Variants in ZNF385D observed in about 807,000 individuals in gnomAD.
ZNF385D encodes the protein zinc finger protein 385D.
In ZNF385D, 15 loss-of-function variants were observed where a neutral mutation model predicts 35.8. The ratio of observed to expected loss-of-function variants is 0.42; its 90% confidence interval spans 0.28 to 0.64. ZNF385D has a LOEUF of 0.64. Ranked by LOEUF, ZNF385D falls within the 30% of genes least tolerant of loss-of-function variation. ZNF385D has a pLI of 0.23. For missense variants in ZNF385D, 474 were observed against 494.6 expected (o/e 0.96, Z 0.39); for synonymous variants, 212 against 186.8 (o/e 1.13, Z -1.10).
intron 1 of ZNF385D, among the ~76,000 whole-genome samples, chr3:21,675,289 T>A (rs998006452): frequency 3.9e-5 from 6 of 151,904 alleles, no homozygotes; most frequent in African/African-American, 1.4e-4. Context: ...GGATTTCATT[T>A]TTAGGTGTAA....
chr3:21,979,111 G>C (rs1027057745), intron 3 of ZNF385D, among the ~76,000 whole-genome samples: 6 of 151,666 alleles, frequency 4.0e-5, no homozygotes. Flanking sequence ...TTTTTCAATG[G>C]TGACCCTGAC....
intron 3 of ZNF385D, among the ~76,000 whole-genome samples, chr3:21,807,511 G>A (rs2072708028): frequency 6.6e-6 from 1 of 152,014 alleles, no homozygotes; most frequent in Admixed American, 6.6e-5. Context: ...ACCTGGCTTT[G>A]GAGTTTTTTG....
At chr3:21,644,082 T>G (rs1165274207) in intron 2 of ZNF385D, among the ~76,000 whole-genome samples, 2 of 152,110 alleles carry the variant, frequency 1.3e-5, no homozygotes, top group African/African-American at 2.4e-5. Flanking sequence ...CAATGAGTTG[T>G]TGGAAATTGC....
chr3:21,676,856 C>T (rs2066745425), intron 1 of ZNF385D, among the ~76,000 whole-genome samples: 1 of 151,664 alleles, frequency 6.6e-6, no homozygotes, highest in African/African-American at 2.4e-5. Context: ...CTGATTTCCA[C>T]CAAATTGAAA....
intron 3 of ZNF385D, among the ~76,000 whole-genome samples, chr3:22,123,447 T>C (rs1292248201): frequency 6.6e-6 from 1 of 152,206 alleles, no homozygotes; most frequent in Non-Finnish European, 1.5e-5. Flanking sequence ...AAATGTGTAA[T>C]CACACCACGG....
chr3:21,603,869 C>T (rs2064395186), intron 2 of ZNF385D, among the ~76,000 whole-genome samples: 1 of 152,060 alleles, frequency 6.6e-6, no homozygotes, highest in Non-Finnish European at 1.5e-5. Flanking sequence ...CTATGCTTCC[C>T]AGCACATGGT....
chr3:22,047,683 T>C (rs147995894), intron 3 of ZNF385D, among the ~76,000 whole-genome samples: 5 of 152,284 alleles, frequency 3.3e-5, no homozygotes, highest in African/African-American at 4.8e-5. Flanking sequence ...ATCTTAGCTA[T>C]TGTGAATGTT....
At chr3:22,136,093 C>T (rs1337614653) in intron 3 of ZNF385D, among the ~76,000 whole-genome samples, 3 of 151,972 alleles carry the variant, frequency 2.0e-5, no homozygotes, top group Admixed American at 6.6e-5. Context: ...AAGGATAATC[C>T]GTATAAGAGG....
chr3:22,172,794 T>A (rs990981387), intron 2 of ZNF385D, among the ~76,000 whole-genome samples: 2 of 152,152 alleles, frequency 1.3e-5, no homozygotes, highest in Admixed American at 1.3e-4. Context: ...ATGAAGGAGA[T>A]AGATACCAAA....
At chr3:21,816,604 A>G (rs1405944099) in intron 3 of ZNF385D, among the ~76,000 whole-genome samples, 1 of 152,202 alleles carries the variant, frequency 6.6e-6, no homozygotes, top group African/African-American at 2.4e-5. Flanking sequence ...GGAGAATAAG[A>G]TACCTAGGAA....
intron 2 of ZNF385D, among the ~76,000 whole-genome samples, chr3:22,304,510 T>C (rs1445439027): frequency 6.6e-6 from 1 of 152,160 alleles, no homozygotes; most frequent in Non-Finnish European, 1.5e-5. Flanking sequence ...CCATCAAATC[T>C]ATCTGAGGCC....
Position 21,842,196 on chromosome 3 carries a change from C to A in ZNF385D, c.326-177168G>T, listed in dbSNP as rs1695724915. Among the ~76,000 whole-genome samples the A allele has an allele frequency of 3.3e-5, 5 of 151,926 alleles. No individual in the cohort carries two copies. In the South Asian group the frequency reaches 1.0e-3, roughly 31 times the overall value. On this transcript the variant is annotated intron_variant, in intron 3 of 5. Transcript: ENST00000494108. ...GTAATCTTTTCTCAATGTTGCAAGT[C>A]ACCTTGGATTCTGCTCTGCTCTGCT...
At chr3:22,162,417 T>C (rs573736056) in intron 3 of ZNF385D, among the ~76,000 whole-genome samples, 7 of 151,964 alleles carry the variant, frequency 4.6e-5, no homozygotes, top group African/African-American at 1.7e-4. Flanking sequence ...CTTATCTGCC[T>C]TACCCAAAAC....
intron 1 of ZNF385D, among the ~76,000 whole-genome samples, chr3:21,676,145 G>GT (rs2066716579): frequency 6.6e-6 from 1 of 152,066 alleles, no homozygotes; most frequent in South Asian, 2.1e-4. Context: ...CACTGTCACT[G>GT]TTTTAAGGGC....
intron 5 of ZNF385D, 198 bp downstream of exon 5, chr3:21,436,772 C>T (rs1179072871): frequency 6.9e-6 from 4 of 581,040 alleles, no homozygotes; most frequent in South Asian, 6.7e-5. Flanking sequence ...CCATGGACTT[C>T]GAGCCCTGGA....
intron 2 of ZNF385D, among the ~76,000 whole-genome samples, chr3:22,185,166 G>A (rs1455128548): frequency 6.6e-6 from 1 of 151,802 alleles, no homozygotes; most frequent in Non-Finnish European, 1.5e-5. Flanking sequence ...AACTGAAAAG[G>A]TTGTAGAAAC....
At chr3:22,287,208 T>C (rs1702070531) in intron 2 of ZNF385D, among the ~76,000 whole-genome samples, 1 of 152,034 alleles carries the variant, frequency 6.6e-6, no homozygotes, top group African/African-American at 2.4e-5. Flanking sequence ...TGCTCTCTTT[T>C]CCATTGCATA....
intron 4 of ZNF385D, among the ~76,000 whole-genome samples, chr3:21,480,100 ATTT>A (rs369558911): frequency 2.2e-5 from 3 of 133,524 alleles, no homozygotes; most frequent in Non-Finnish European, 3.2e-5. Context: ...GAATGTAAGA[ATTT>A]TTTTTTTTTT....
chr3:21,596,879 ATGG>A (rs995004958), intron 2 of ZNF385D, among the ~76,000 whole-genome samples: 11 of 152,098 alleles, frequency 7.2e-5, no homozygotes, highest in Non-Finnish European at 4.4e-5. Flanking sequence ...GTCAAAGTTA[ATGG>A]TGGAGAGGAA....
Sources: allele counts gnomAD v4.1 joint callset (sites outside exome capture counted in the v4.1 genomes callset), GRCh38; gene constraint gnomAD v4.1.1; transcripts MANE v1.5; gene names NCBI Gene and HGNC (gene_info 2026-07-23, HGNC 2026-07-21).